The following PTPRT variants were observed in gnomAD, a reference collection of about 807,000 sequenced individuals.
PTPRT encodes the protein receptor-type tyrosine-protein phosphatase T.
A neutral mutation model predicts 176.8 loss-of-function variants in PTPRT; 56 were observed. The observed-to-expected ratio is 0.32, with a 90% CI of 0.26 to 0.40. The LOEUF (loss-of-function observed/expected upper bound fraction) is 0.40. Ranked by LOEUF, PTPRT falls within the 10% of genes least tolerant of loss-of-function variation. PTPRT has a pLI of 1.00. For synonymous variants in PTPRT, 783 were observed against 739.0 expected, an observed-to-expected ratio of 1.06 and a Z score of -0.96; for missense variants, 1,540 against 1,908.2, an observed-to-expected ratio of 0.81 and a Z score of 3.60.
At chr20:43,116,940 G>A (rs1004392449) in intron 1 of PTPRT, among the ~76,000 whole-genome samples, 1 of 152,154 alleles carries the variant, frequency 6.6e-6, no homozygotes, top group African/African-American at 2.4e-5. Flanking sequence ...GTGCTCAGAT[G>A]TCTGTATGTT....
At chr20:42,919,159 G>T (rs1978984274) in intron 1 of PTPRT, among the ~76,000 whole-genome samples, 1 of 152,186 alleles carries the variant, frequency 6.6e-6, no homozygotes, top group East Asian at 1.9e-4. Flanking sequence ...CACCCCTCCA[G>T]CCTGGGGATC....
chr20:42,738,017 C>T (rs1402232901), intron 6 of PTPRT, among the ~76,000 whole-genome samples: 2 of 152,134 alleles, frequency 1.3e-5, no homozygotes, highest in Non-Finnish European at 2.9e-5. Context: ...CACAACAAAC[C>T]TGAAGGGTCC....
chr20:42,457,065 G>T (rs2070937236), intron 8 of PTPRT, among the ~76,000 whole-genome samples: 1 of 151,884 alleles, frequency 6.6e-6, no homozygotes, highest in Non-Finnish European at 1.5e-5. Flanking sequence ...TACATTTATT[G>T]GTATAAGATT....
At chr20:42,889,829 G>C (rs1244288514) in intron 1 of PTPRT, among the ~76,000 whole-genome samples, 1 of 152,192 alleles carries the variant, frequency 6.6e-6, no homozygotes, top group Non-Finnish European at 1.5e-5. Flanking sequence ...CAGGACAGAA[G>C]GAGGGAGCCA....
intron 6 of PTPRT, among the ~76,000 whole-genome samples, chr20:42,755,511 C>T (rs141272810): frequency 6.6e-6 from 1 of 151,534 alleles, no homozygotes; most frequent in African/African-American, 2.4e-5. Context: ...AATCGGCAAA[C>T]ATAACATTGG....
rs1664784031 is a variant in PTPRT, at chr20:42,414,626, G to T, written c.1560+33594C>A. 2.0e-5 allele frequency among the ~76,000 whole-genome samples: 3 copies of T among 152,298 alleles called. No homozygotes were observed. In the South Asian group the frequency reaches 6.2e-4, roughly 32 times the overall value. On this transcript the variant is annotated intron_variant, in intron 9 of 30. Transcript: ENST00000373187. ...GAAAATGCAAAGGAAGTAATGATCAGTTCAAAAATGTAATGCAAGAAGAAT... is the reference window on the plus strand; with the variant it reads ...GAAAATGCAAAGGAAGTAATGATCATTTCAAAAATGTAATGCAAGAAGAAT...
At chr20:42,360,358 C>T (rs1249025363) in intron 9 of PTPRT, among the ~76,000 whole-genome samples, 2 of 152,174 alleles carry the variant, frequency 1.3e-5, no homozygotes, top group Non-Finnish European at 2.9e-5. Flanking sequence ...TTCTGAGATT[C>T]ACTCTTCCCA....
chr20:42,915,078 G>A (rs1600551957), intron 1 of PTPRT, among the ~76,000 whole-genome samples: 1 of 152,038 alleles, frequency 6.6e-6, no homozygotes, highest in African/African-American at 2.4e-5. Context: ...TAAGGAAGCA[G>A]TCCCAACTTT....
chr20:42,297,607 C>T (rs1234348763), intron 12 of PTPRT, among the ~76,000 whole-genome samples: 1 of 152,134 alleles, frequency 6.6e-6, no homozygotes, highest in East Asian at 1.9e-4. Flanking sequence ...GGGGAACTTT[C>T]CCTCGCAGAC....
At chr20:42,465,055 T>C (rs575931140) in intron 8 of PTPRT, among the ~76,000 whole-genome samples, 1 of 151,130 alleles carries the variant, frequency 6.6e-6, no homozygotes, top group East Asian at 1.9e-4. Flanking sequence ...TCAATAATAT[T>C]ATGGTATATA....
intron 13 of PTPRT, among the ~76,000 whole-genome samples, chr20:42,269,383 C>T (rs946878268): frequency 6.6e-6 from 1 of 152,162 alleles, no homozygotes; most frequent in African/African-American, 2.4e-5. Flanking sequence ...ACTGACCGTT[C>T]AGGGATTAGT....
chr20:42,164,735 G>A (rs1178896156), intron 16 of PTPRT, among the ~76,000 whole-genome samples: 8 of 152,144 alleles, frequency 5.3e-5, no homozygotes, highest in African/African-American at 1.4e-4. Context: ...ATTAAAAGAC[G>A]TTATGATGTT....
At chr20:42,512,258 T>C (rs2071972354) in intron 7 of PTPRT, among the ~76,000 whole-genome samples, 1 of 152,176 alleles carries the variant, frequency 6.6e-6, no homozygotes, top group South Asian at 2.1e-4. Flanking sequence ...AAAACTTCCT[T>C]GTACTATCCT....
intron 7 of PTPRT, among the ~76,000 whole-genome samples, chr20:42,540,993 T>C (rs62205788): frequency 0.011 from 1,688 of 152,224 alleles, 33 homozygotes; most frequent in South Asian, 0.1. Flanking sequence ...TTCAGAAATA[T>C]GTTTTGCATA....
intron 4 of PTPRT, among the ~76,000 whole-genome samples, chr20:42,775,545 A>G (rs994083570): frequency 6.6e-6 from 1 of 152,218 alleles, no homozygotes; most frequent in African/African-American, 2.4e-5. Context: ...TAAGGATAGA[A>G]TACTTTTAGA....
intron 9 of PTPRT, among the ~76,000 whole-genome samples, chr20:42,388,531 A>T (rs1004850087): frequency 2.0e-5 from 3 of 152,262 alleles, no homozygotes; most frequent in African/African-American, 7.2e-5. Flanking sequence ...AAAAATGCTC[A>T]TCATCACTGG....
chr20:43,178,351 C>T (rs749248138), intron 1 of PTPRT, among the ~76,000 whole-genome samples: 1 of 152,158 alleles, frequency 6.6e-6, no homozygotes, highest in Non-Finnish European at 1.5e-5. Flanking sequence ...ACTAATCATT[C>T]CTGACACCCA....
chr20:42,034,396 G>A, the PTPRT span, among the ~76,000 whole-genome samples: 6 of 152,134 alleles, frequency 3.9e-5, no homozygotes, highest in African/African-American at 1.4e-4. Flanking sequence ...GAGAGGGAGA[G>A]AGGAGGAAAG....
intron 7 of PTPRT, among the ~76,000 whole-genome samples, chr20:42,661,301 T>C (rs1158106235): frequency 1.3e-5 from 2 of 152,188 alleles, no homozygotes; most frequent in East Asian, 1.9e-4. Flanking sequence ...ATTTATTTTA[T>C]GCTGTAGAGT....
Sources: gnomAD v4.1 joint callset for allele counts (sites outside exome capture counted in the v4.1 genomes callset) on GRCh38, gnomAD v4.1.1 for gene constraint, MANE v1.5 for transcripts, NCBI Gene and HGNC (gene_info 2026-07-23, HGNC 2026-07-21) for gene names.